The following PITPNC1 variants were observed in gnomAD, a reference collection of about 807,000 sequenced individuals.
PITPNC1 encodes phosphatidylinositol transfer protein cytoplasmic 1.
Under a neutral mutation model 44.7 loss-of-function variants are expected in PITPNC1, and 18 were observed. The ratio of observed to expected loss-of-function variants is 0.40; its 90% CI spans 0.28 to 0.60. The LOEUF is 0.60. Ranked by LOEUF, PITPNC1 falls within the 20% of genes least tolerant of loss-of-function variation. The pLI, the probability that PITPNC1 is intolerant of heterozygous loss-of-function variation, is 0.39. For synonymous variants in PITPNC1, 141 were observed against 149.6 expected (o/e 0.94, Z 0.42); for missense variants, 290 against 418.4 (o/e 0.69, Z 2.68).
chr17:67,609,127 G>A (rs912928125), intron 5 of PITPNC1, among the ~76,000 whole-genome samples: 1 of 151,210 alleles, frequency 6.6e-6, no homozygotes, highest in African/African-American at 2.4e-5. Flanking sequence ...CTCCCGAAGT[G>A]CTGGGAACAC....
intron 1 of PITPNC1, among the ~76,000 whole-genome samples, chr17:67,436,309 T>C (rs1598660117): frequency 6.6e-6 from 1 of 151,716 alleles, no homozygotes. Context: ...TGGCTGGGGG[T>C]GCTATTTTAA....
intron 1 of PITPNC1, chr17:67,471,542 C>A: frequency 2.7e-6 from 1 of 374,700 alleles, no homozygotes; most frequent in Non-Finnish European, 5.1e-6. Context: ...CTTTCAATGG[C>A]AAAAACCACA....
rs922407029 is a variant in PITPNC1, at chr17:67,676,476, C to T, written c.682+934C>T. ...TTGTCCACATGAATTTTCTGCACTC[C>T]CAGAATCAGTCATCAGATGGCTACC... On this transcript the variant is annotated intron_variant, in intron 8 of 8. Coordinates refer to ENST00000581322, the MANE Select transcript of PITPNC1 (RefSeq NM_012417.4). This position sits in a 1 kb window ranked among gnomAD's most constrained non-coding sequence, Gnocchi z 4.0. Among the ~76,000 whole-genome samples, 17 of 152,042 alleles carry T rather than the reference C, an allele frequency of 1.1e-4. No individual in the cohort carries two copies. Among genetic ancestry groups the T allele is most frequent in the Admixed American group, 1.0e-3 (16 of 15,240 alleles).
At chr17:67,689,318 A>G (rs905418104) in intron 8 of PITPNC1, among the ~76,000 whole-genome samples, 3 of 152,364 alleles carry the variant, frequency 2.0e-5, no homozygotes, top group African/African-American at 7.2e-5. Context: ...GGAAAAGCCC[A>G]CATAATCTCT....
intron 1 of PITPNC1, among the ~76,000 whole-genome samples, chr17:67,521,848 T>C (rs1256987712): frequency 1.3e-5 from 2 of 152,228 alleles, no homozygotes; most frequent in Admixed American, 6.5e-5. Context: ...TTCATGTTCA[T>C]TGAGGAATGT....
chr17:67,425,184 T>TGTGCGCGCGCGC (rs2038731224), intron 1 of PITPNC1, among the ~76,000 whole-genome samples: 1 of 76,248 alleles, frequency 1.3e-5, no homozygotes, highest in South Asian at 4.0e-4. Flanking sequence ...ACAGCCATGT[T>TGTGCGCGCGCGC]GTGCGCGCGC....
At chr17:67,471,904 A>G (rs538160318) in intron 1 of PITPNC1, among the ~76,000 whole-genome samples, 22 of 152,184 alleles carry the variant, frequency 1.4e-4, no homozygotes, top group African/African-American at 5.3e-4. Context: ...TTATTATATC[A>G]TAATAGTCAC....
At chr17:67,544,443 G>C (rs1020727566) in intron 2 of PITPNC1, among the ~76,000 whole-genome samples, 47 of 152,222 alleles carry the variant, frequency 3.1e-4, no homozygotes, top group East Asian at 1.9e-4. Flanking sequence ...AAAAGATGGA[G>C]GCTATTTTTA....
intron 1 of PITPNC1, chr17:67,459,720 G>T (rs1208437194): frequency 1.3e-5 from 2 of 152,100 alleles, no homozygotes; most frequent in African/African-American, 4.8e-5. Context: ...CACTTTCTAT[G>T]CTGTGTCATC....
intron 5 of PITPNC1, among the ~76,000 whole-genome samples, chr17:67,606,678 G>C (rs759699322): frequency 2.0e-5 from 3 of 151,974 alleles, no homozygotes; most frequent in Non-Finnish European, 4.4e-5. Flanking sequence ...AACAGGCATA[G>C]AGCCAATAGC....
At chr17:67,491,542 A>G (rs1011175347) in intron 1 of PITPNC1, among the ~76,000 whole-genome samples, 3 of 152,180 alleles carry the variant, frequency 2.0e-5, no homozygotes, top group Non-Finnish European at 4.4e-5. Flanking sequence ...CTGGCTTGTA[A>G]TTTGTTAAAG....
At chr17:67,467,081 A>C (rs1163224675) in intron 1 of PITPNC1, among the ~76,000 whole-genome samples, 1 of 97,312 alleles carries the variant, frequency 1.0e-5, no homozygotes, top group African/African-American at 3.9e-5. Flanking sequence ...TTTTTTTGAG[A>C]TGAATCTTGC....
Position 67,597,998 on chromosome 17 carries a change from C to T in PITPNC1, c.366+19741C>T, listed in dbSNP as rs1000462806. 9.2e-5 allele frequency among the ~76,000 whole-genome samples: 14 copies of T among 152,186 alleles called. No homozygotes were observed. Among genetic ancestry groups the T allele is most frequent in the African/African-American group, 3.4e-4 (14 of 41,520 alleles). On this transcript the variant is annotated intron_variant, in intron 5 of 8. Transcript: ENST00000581322. The surrounding 1 kb of genome is among the most constrained non-coding windows in gnomAD (Gnocchi z 4.0). The stretch of plus-strand genomic sequence containing the variant: ...CAGCACTTTGGGAGGCCGAGGCAGG[C>T]GGATCACGAGGTCAGGAGATCAAGA...
chr17:67,391,069 G>T (rs541763214), intron 1 of PITPNC1, among the ~76,000 whole-genome samples: 1 of 151,830 alleles, frequency 6.6e-6, no homozygotes, highest in Admixed American at 6.6e-5. Flanking sequence ...GCGTGTGTGT[G>T]TGTGTGTGTG....
chr17:67,677,047 G>C (rs2042616285), intron 8 of PITPNC1, among the ~76,000 whole-genome samples: 1 of 152,124 alleles, frequency 6.6e-6, no homozygotes. Flanking sequence ...AGGCAGGCAG[G>C]AGAGTCTCCT....
chr17:67,469,619 G>A (rs927442752), intron 1 of PITPNC1, among the ~76,000 whole-genome samples: 1 of 152,070 alleles, frequency 6.6e-6, no homozygotes, highest in Non-Finnish European at 1.5e-5. Flanking sequence ...GTTCAGGTGC[G>A]GGTCATCAGG....
At chr17:67,622,269 A>AG (rs1333025308) in intron 5 of PITPNC1, among the ~76,000 whole-genome samples, 4 of 151,066 alleles carry the variant, frequency 2.6e-5, no homozygotes, top group South Asian at 2.1e-4. Context: ...AAAAAAAAAA[A>AG]AAAAGAAAAG....
At chr17:67,657,987 C>A (rs1312210663) in intron 6 of PITPNC1, among the ~76,000 whole-genome samples, 1 of 152,202 alleles carries the variant, frequency 6.6e-6, no homozygotes, top group Non-Finnish European at 1.5e-5. Context: ...ACTCAGCTGT[C>A]ATTGACTGAA....
At chr17:67,424,179 G>A (rs189720833) in intron 1 of PITPNC1, among the ~76,000 whole-genome samples, 7 of 151,608 alleles carry the variant, frequency 4.6e-5, no homozygotes, top group South Asian at 2.1e-4. Context: ...GAAAACTAGC[G>A]AATGGTATGG....
Sources: gnomAD v4.1 joint callset for allele counts (sites outside exome capture counted in the v4.1 genomes callset) on GRCh38, gnomAD v4.1.1 for gene constraint, Gnocchi (gnomAD v3.1) non-coding constraint, MANE v1.5 for transcripts, NCBI Gene and HGNC (gene_info 2026-07-23, HGNC 2026-07-21) for gene names.